The following SLC24A3 variants were observed in gnomAD, a reference collection of about 807,000 sequenced individuals.
SLC24A3 encodes sodium/potassium/calcium exchanger 3.
A neutral mutation model predicts 75.8 loss-of-function variants in SLC24A3; 28 were observed. That is an observed-to-expected ratio of 0.37 (90% CI 0.27 to 0.51). SLC24A3 has a LOEUF of 0.51. SLC24A3 is among the 20% of genes least tolerant of loss of function. The probability of loss-of-function intolerance (pLI) is 0.94; values close to 1 mark genes in which losing one functional copy is unlikely to be tolerated. For missense variants in SLC24A3, 663 were observed against 847.8 expected (o/e 0.78, Z 2.71); for synonymous variants, 372 against 334.1 (o/e 1.11, Z -1.24).
chr20:19,240,039 T>C (rs1982284692), intron 1 of SLC24A3, among the ~76,000 whole-genome samples: 1 of 152,218 alleles, frequency 6.6e-6, no homozygotes, highest in African/African-American at 2.4e-5. Flanking sequence ...AGGTAGAACA[T>C]GGTGGTTTTG....
At chr20:19,260,239 C>T (rs1297057084) in intron 1 of SLC24A3, among the ~76,000 whole-genome samples, 1 of 152,188 alleles carries the variant, frequency 6.6e-6, no homozygotes, top group Non-Finnish European at 1.5e-5. Flanking sequence ...GCAGAGATAA[C>T]AGGTAGCCTG....
chr20:19,362,733 A>G (rs1450594623), intron 2 of SLC24A3, among the ~76,000 whole-genome samples: 2 of 152,082 alleles, frequency 1.3e-5, no homozygotes, highest in Non-Finnish European at 2.9e-5. Context: ...TGCTGTTTCT[A>G]CTTCAGCCAT....
At chr20:19,343,590 A>C (rs1985325710) in intron 2 of SLC24A3, among the ~76,000 whole-genome samples, 1 of 152,140 alleles carries the variant, frequency 6.6e-6, no homozygotes, top group Admixed American at 6.5e-5. Context: ...AGTTGGAAGT[A>C]ATACTTCATG....
intron 2 of SLC24A3, among the ~76,000 whole-genome samples, chr20:19,491,702 G>A (rs1312403460): frequency 6.6e-6 from 1 of 152,166 alleles, no homozygotes; most frequent in Non-Finnish European, 1.5e-5. Context: ...AGGAGGACTT[G>A]TTTGCAAATC....
rs976520494 is a variant in SLC24A3 at position 19,548,803 on chromosome 20, C to G, written c.349-31197C>G. On this transcript the variant is annotated intron_variant, in intron 3 of 16. Transcript: ENST00000328041. Reference sequence around the variant, plus strand: ...CTGTTTTCAGCAGCACCCATATTTGCATTTGAATAACACCAAGGTGTGCAC... The same window carrying G: ...CTGTTTTCAGCAGCACCCATATTTGGATTTGAATAACACCAAGGTGTGCAC... Among the ~76,000 whole-genome samples the G allele has an allele frequency of 4.6e-5, 7 of 152,296 alleles. No individual in the cohort carries two copies. The East Asian group carries it at 1.4e-3, about 29-fold the overall frequency.
intron 15 of SLC24A3, among the ~76,000 whole-genome samples, chr20:19,706,720 G>A (rs2032934209): frequency 6.6e-6 from 1 of 150,626 alleles, no homozygotes; most frequent in African/African-American, 2.4e-5. Context: ...AGAAGGAGAG[G>A]TACGGTCATG....
At chr20:19,529,583 T>C (rs1356046213) in intron 3 of SLC24A3, among the ~76,000 whole-genome samples, 4 of 152,200 alleles carry the variant, frequency 2.6e-5, no homozygotes, top group African/African-American at 7.2e-5. Context: ...TTCCATGTGA[T>C]GCTTTAGAAA....
chr20:19,658,507 T>C (rs193105393), intron 7 of SLC24A3, among the ~76,000 whole-genome samples: 1 of 152,302 alleles, frequency 6.6e-6, no homozygotes, highest in African/African-American at 2.4e-5. Context: ...AGTTTGCTTG[T>C]TTGAAGGAGA....
intron 1 of SLC24A3, among the ~76,000 whole-genome samples, chr20:19,267,341 G>A (rs2122205156): frequency 6.6e-6 from 1 of 152,276 alleles, no homozygotes; most frequent in East Asian, 1.9e-4. Flanking sequence ...TGGAAGAAAA[G>A]CACTATGGGC....
At chr20:19,668,377 T>C (rs1296019678) in intron 8 of SLC24A3, among the ~76,000 whole-genome samples, 1 of 152,244 alleles carries the variant, frequency 6.6e-6, no homozygotes, top group Non-Finnish European at 1.5e-5. Context: ...GTCTAGGTGC[T>C]GATTTCTCTC....
chr20:19,475,983 C>G (rs952345513), intron 2 of SLC24A3, among the ~76,000 whole-genome samples: 6 of 152,186 alleles, frequency 3.9e-5, no homozygotes, highest in African/African-American at 1.4e-4. Flanking sequence ...ATGGGAATAG[C>G]CTTGGCCAAA....
intron 6 of SLC24A3, among the ~76,000 whole-genome samples, chr20:19,639,448 T>C (rs1276647961): frequency 6.6e-6 from 1 of 152,220 alleles, no homozygotes; most frequent in East Asian, 1.9e-4. Flanking sequence ...GGGTGCTGAT[T>C]GGTGTATTTA....
At chr20:19,431,722 A>C (rs201212441) in intron 2 of SLC24A3, among the ~76,000 whole-genome samples, 1 of 37,320 alleles carries the variant, frequency 2.7e-5, no homozygotes, top group Non-Finnish European at 4.5e-5. Context: ...GATTCACTTC[A>C]AAAAAAAAAA....
chr20:19,383,896 C>T (rs1986225939), intron 2 of SLC24A3, among the ~76,000 whole-genome samples: 1 of 152,168 alleles, frequency 6.6e-6, no homozygotes, highest in Non-Finnish European at 1.5e-5. Flanking sequence ...CCCAAACGCC[C>T]ATCTCCTAAC....
At position 19,559,759 on chromosome 20, in the gene SLC24A3, T is replaced by G. The variant is rs140887270; in HGVS notation, c.349-20241T>G. 1.9e-3 allele frequency among the ~76,000 whole-genome samples: 284 copies of G among 152,148 alleles called. 2 individuals carry two copies. The highest frequency in any genetic ancestry group is 6.4e-3 in the African/African-American group (264 of 41,506). Reference sequence around the variant, plus strand: ...ATTATTTGTAATAATTATGAGAAATTTTGATGCTTTTTTATCATAAATATT... The same window carrying G: ...ATTATTTGTAATAATTATGAGAAATGTTGATGCTTTTTTATCATAAATATT... On this transcript the variant is annotated intron_variant, in intron 3 of 16. Transcript: ENST00000328041.
At chr20:19,405,732 A>G (rs531193855) in intron 2 of SLC24A3, among the ~76,000 whole-genome samples, 16 of 152,364 alleles carry the variant, frequency 1.1e-4, no homozygotes, top group African/African-American at 3.8e-4. Flanking sequence ...AGCCTTGAAG[A>G]ATTTGAAGAA....
chr20:19,693,219 T>A lies in SLC24A3; in HGVS notation c.1325-40T>A, dbSNP rs771056701. On this transcript the variant is annotated intron_variant, in intron 12 of 16. Coordinates refer to ENST00000328041, the MANE Select transcript of SLC24A3 (RefSeq NM_020689.4). ...TAAAGCTAACTGGGGTTCTTTGTTA[T>A]TTTTTTTTTATTTCTTTTTGGCCTT... The A allele has an allele frequency of 3.0e-6, 4 of 1,340,574 alleles. No individual in the cohort carries two copies. The African/African-American group carries it at 5.5e-5, about 18-fold the overall frequency. The allele number at this position is 1,340,574 out of a possible 1,614,324, so 83.0% of individuals were successfully genotyped here. A position where few individuals can be genotyped will look rare whatever the true frequency, so the allele number is the denominator to read the frequency against.
rs140344103 is a variant in SLC24A3 at position 19,685,447 on chromosome 20, T to A, written c.1324+86T>A. On this transcript the variant is annotated intron_variant, in intron 12 of 16. Coordinates refer to ENST00000328041, the MANE Select transcript of SLC24A3 (RefSeq NM_020689.4). ...CTTGACTTAGATTATCTTTTTACCA[T>A]TCAATTTTTTAAAATCTCTGTATGA... is the stretch of plus-strand genomic sequence containing the variant. The A allele has an allele frequency of 3.6e-4, 549 of 1,538,422 alleles. 1 individual carries two copies. The African/African-American group carries it at 6.9e-3, about 19-fold the overall frequency.
intron 2 of SLC24A3, among the ~76,000 whole-genome samples, chr20:19,298,870 G>A (rs1158786253): frequency 6.6e-6 from 1 of 152,194 alleles, no homozygotes; most frequent in Non-Finnish European, 1.5e-5. Context: ...TGAGGGAGCT[G>A]GGGTATTTAT....
Sources: gnomAD v4.1 joint callset for allele counts (sites outside exome capture counted in the v4.1 genomes callset) on GRCh38, gnomAD v4.1.1 for gene constraint, MANE v1.5 for transcripts, NCBI Gene and HGNC (gene_info 2026-07-23, HGNC 2026-07-21) for gene names.